The following ING3 variants were observed in gnomAD, a reference collection of about 807,000 sequenced individuals.
ING3 encodes inhibitor of growth protein 3.
In ING3, 6 loss-of-function variants were observed where a neutral mutation model predicts 64.8. That is an observed-to-expected ratio of 0.09 (90% confidence interval 0.05 to 0.18). The LOEUF (loss-of-function observed/expected upper bound fraction) is 0.18, where lower values mean the gene tolerates loss of function less well. Ranked by LOEUF, ING3 falls within the 10% of genes least tolerant of loss-of-function variation. ING3 has a pLI of 1.00. For synonymous variants in ING3, 170 were observed against 173.7 expected (o/e 0.98, Z 0.17); for missense variants, 310 against 489.7 (o/e 0.63, Z 3.46).
At position 120,956,993 on chromosome 7, in the gene ING3, T is replaced by C. The variant is rs1041725138; in HGVS notation, c.267+1369T>C. ...CTTTTTAAATATGTGTGTGTGTGTA[T>C]TCATCTCTTATTTAAAAACCACACT... On this transcript the variant is annotated intron_variant, in intron 4 of 11. Coordinates refer to ENST00000315870, the MANE Select transcript of ING3 (RefSeq NM_019071.3). 1.7e-5 allele frequency: 6 copies of C among 359,642 alleles called. No individual in the cohort carries two copies. In the Admixed American group the frequency reaches 3.2e-4, roughly 19 times the overall value. 22.3% of individuals were successfully genotyped at this position (359,642 alleles called of 1,614,324 possible).
Position 120,970,733 on chromosome 7 carries a change from C to G in ING3, c.954C>G (p.Ser318=). 6.2e-7 allele frequency: 1 copy of G among 1,613,050 alleles called. No homozygotes were observed. Among genetic ancestry groups the G allele is most frequent in the Non-Finnish European group, 8.5e-7 (1 of 1,179,062 alleles). Residue 318 remains serine, a synonymous_variant, in exon 10 of 12, where the codon TCC becomes TCG. Coordinates refer to ENST00000315870, the MANE Select transcript of ING3 (RefSeq NM_019071.3). Reference sequence around the variant, plus strand: ...GCCAGCAGTCATCATCTTCCTCCTCCTCTTCTTCCTTATCATCGTGTTCTT... The same window carrying G: ...GCCAGCAGTCATCATCTTCCTCCTCGTCTTCTTCCTTATCATCGTGTTCTT... ...SSSQQSSSSS[S]SSSLSSCSSS...
chr7:120,951,351 C>T, intron 2 of ING3, 116 bp downstream of exon 2: 1 of 920,288 alleles, frequency 1.1e-6, no homozygotes, highest in East Asian at 2.5e-5. Context: ...TCCGCTAGTG[C>T]ATAAGGAGTT....
Position 120,950,831 on chromosome 7 carries a change from C to G in ING3, c.-66C>G. On this transcript the variant is annotated 5_prime_UTR_variant, in exon 1 of 12. Coordinates refer to ENST00000315870, the MANE Select transcript of ING3 (RefSeq NM_019071.3). Reference sequence around the variant, plus strand: ...GCGCCATATTGGAGGGGACAAAACTCCGGCGACAGCGAGTGACACAAATAA... The same window carrying G: ...GCGCCATATTGGAGGGGACAAAACTGCGGCGACAGCGAGTGACACAAATAA... The G allele has an allele frequency of 6.6e-7, 1 of 1,510,228 alleles. No individual in the cohort carries two copies. Among genetic ancestry groups the G allele is most frequent in the Non-Finnish European group, 9.0e-7 (1 of 1,110,280 alleles). 93.6% of individuals were successfully genotyped at this position (1,510,228 alleles called of 1,614,324 possible).
At chr7:120,956,200 G>T (rs1414358777) in intron 4 of ING3, 1 of 1,607,286 alleles carries the variant, frequency 6.2e-7, no homozygotes, top group Non-Finnish European at 8.5e-7. Flanking sequence ...AAGATAGATA[G>T]AATATTCACT....
chr7:120,972,168 A>G (rs950435476), intron 10 of ING3, among the ~76,000 whole-genome samples: 10 of 152,032 alleles, frequency 6.6e-5, no homozygotes, highest in Non-Finnish European at 1.5e-4. Flanking sequence ...TTTTTTATGA[A>G]GCAAGCCATG....
At chr7:120,954,194 G>A (rs1795809978) in intron 3 of ING3, among the ~76,000 whole-genome samples, 1 of 152,186 alleles carries the variant, frequency 6.6e-6, no homozygotes, top group African/African-American at 2.4e-5. Flanking sequence ...GAGAGGCTGA[G>A]GCGGGTGGAT....
At chr7:120,972,633 A>G (rs1796083684) in intron 10 of ING3, among the ~76,000 whole-genome samples, 1 of 152,168 alleles carries the variant, frequency 6.6e-6, no homozygotes, top group Non-Finnish European at 1.5e-5. Flanking sequence ...CCATGTAAAT[A>G]TATTTTCACT....
chr7:120,950,788 C>T lies in ING3; in HGVS notation c.-109C>T, dbSNP rs1234729924. The T allele has an allele frequency of 9.2e-6, 5 of 543,152 alleles. No homozygotes were observed. The highest frequency in any genetic ancestry group is 1.5e-5 in the Non-Finnish European group (5 of 340,738). The allele number at this position is 543,152 out of a possible 1,614,324, so 33.6% of individuals were successfully genotyped here. A position where few individuals can be genotyped will look rare whatever the true frequency, so the allele number is the denominator to read the frequency against. On this transcript the variant is annotated 5_prime_UTR_variant, in exon 1 of 12. Transcript: ENST00000315870. ...TTTTTTTTTTTTTGCCGGAGTCGAGCGGGTGCTGCTAGCGGAGGCGCCATA... is the reference window on the plus strand; with the variant it reads ...TTTTTTTTTTTTTGCCGGAGTCGAGTGGGTGCTGCTAGCGGAGGCGCCATA...
At chr7:120,958,264 A>G (rs545384092) in intron 4 of ING3, among the ~76,000 whole-genome samples, 42 of 146,862 alleles carry the variant, frequency 2.9e-4, no homozygotes, top group Non-Finnish European at 5.7e-4. Flanking sequence ...CTTTAATCCT[A>G]TTTCAGGTGA....
chr7:120,959,707 G>T (rs893953000), intron 4 of ING3, among the ~76,000 whole-genome samples: 3 of 129,790 alleles, frequency 2.3e-5, no homozygotes, highest in African/African-American at 9.1e-5. Flanking sequence ...CTGCAGTGGC[G>T]CTATCCCGGC....
At chr7:120,954,212 G>A (rs892580261) in intron 3 of ING3, among the ~76,000 whole-genome samples, 1 of 152,064 alleles carries the variant, frequency 6.6e-6, no homozygotes, top group African/African-American at 2.4e-5. Flanking sequence ...GATCACCTGA[G>A]GTCAGGAGTT....
intron 4 of ING3, among the ~76,000 whole-genome samples, chr7:120,960,138 G>T (rs528109450): frequency 2.0e-5 from 3 of 152,260 alleles, no homozygotes; most frequent in African/African-American, 7.2e-5. Context: ...TGTTGGAAAA[G>T]CTAAGGAAAG....
intron 4 of ING3, among the ~76,000 whole-genome samples, chr7:120,958,091 C>G (rs1795878088): frequency 6.6e-6 from 1 of 152,168 alleles, no homozygotes; most frequent in Non-Finnish European, 1.5e-5. Context: ...CAAGTGGAAG[C>G]TGCTGTCTCT....
intron 6 of ING3, 111 bp downstream of exon 6, chr7:120,966,808 C>G (rs971742456): frequency 6.4e-6 from 5 of 786,992 alleles, no homozygotes; most frequent in Non-Finnish European, 1.1e-5. Flanking sequence ...TAAATCCCTT[C>G]TTTTTTTTTC....
intron 4 of ING3, among the ~76,000 whole-genome samples, chr7:120,962,901 A>G (rs1395676019): frequency 6.6e-6 from 1 of 152,092 alleles, no homozygotes; most frequent in East Asian, 1.9e-4. Flanking sequence ...ATCATATATA[A>G]ATCTTGATTT....
chr7:120,966,600 G>A (rs768641340), intron 5 of ING3, 26 bp from the exon 6 acceptor site: 9 of 1,558,034 alleles, frequency 5.8e-6, no homozygotes, highest in Non-Finnish European at 8.0e-6. Context: ...TAATGGTGGT[G>A]TATCTCTGTG....
chr7:120,973,348 G>A, intron 11 of ING3, 105 bp downstream of exon 11: 1 of 749,926 alleles, frequency 1.3e-6, no homozygotes, highest in Admixed American at 2.1e-5. Flanking sequence ...AAACAGGTTT[G>A]CAGGTATATT....
At chr7:120,956,695 A>C (rs1182388205) in intron 4 of ING3, 3 of 986,798 alleles carry the variant, frequency 3.0e-6, no homozygotes, top group Non-Finnish European at 3.6e-6. Context: ...AAACCAAAAA[A>C]AAAAAGGTCT....
chr7:120,962,831 T>C (rs1795950939), intron 4 of ING3, among the ~76,000 whole-genome samples: 1 of 152,126 alleles, frequency 6.6e-6, no homozygotes, highest in South Asian at 2.1e-4. Flanking sequence ...TCTGACTCTT[T>C]TTGAACTGTT....
Sources: allele counts gnomAD v4.1 joint callset (sites outside exome capture counted in the v4.1 genomes callset), GRCh38; gene constraint gnomAD v4.1.1; transcripts MANE v1.5; gene names NCBI Gene and HGNC (gene_info 2026-07-23, HGNC 2026-07-21).